ARID4A: variants seen among roughly 807,000 people sequenced by gnomAD.
ARID4A encodes AT-rich interaction domain 4A, also known as AT-rich interactive domain-containing protein 4A.
In ARID4A, 39 loss-of-function variants were observed where a neutral mutation model predicts 148.6. The observed-to-expected ratio is 0.26, with a 90% CI of 0.20 to 0.34. The LOEUF (loss-of-function observed/expected upper bound fraction) is 0.34, where lower values mean the gene tolerates loss of function less well. Ranked by LOEUF, ARID4A falls within the 10% of genes least tolerant of loss-of-function variation. ARID4A has a pLI of 1.00. For missense variants in ARID4A, 1,265 were observed against 1,449.1 expected (o/e 0.87, Z 2.06); for synonymous variants, 475 against 481.2 (o/e 0.99, Z 0.17).
chr14:58,371,617 A>G lies in ARID4A; in HGVS notation c.3671-269A>G, dbSNP rs1230460402. ...GCCAAGTTCCTTCATGGGATCTCCCAACTAGAGGTTTAAGAGTTTTTGTCT... is the reference window on the plus strand; with the variant it reads ...GCCAAGTTCCTTCATGGGATCTCCCGACTAGAGGTTTAAGAGTTTTTGTCT... On this transcript the variant is annotated intron_variant, in intron 23 of 23. Transcript: ENST00000355431. 2.0e-5 allele frequency among the ~76,000 whole-genome samples: 3 copies of G among 152,280 alleles called. No homozygotes were observed. The East Asian group carries it at 5.8e-4, about 29-fold the overall frequency.
rs941229580 is a variant in ARID4A, at chr14:58,372,565, G to A, written c.*576G>A. The A allele has an allele frequency of 2.4e-5, 5 of 209,736 alleles. No individual in the cohort carries two copies. The highest frequency in any genetic ancestry group is 4.9e-5 in the Non-Finnish European group (5 of 102,914). The allele number at this position is 209,736 out of a possible 1,614,324, so 13.0% of individuals were successfully genotyped here. ...ATAAATTGTGAAAGGAAGTGTAGTT[G>A]ACTGAAAACTACAGTTGTAATAAGT... is the stretch of plus-strand genomic sequence containing the variant. On this transcript the variant is annotated 3_prime_UTR_variant, in exon 24 of 24. Coordinates refer to ENST00000355431, the MANE Select transcript of ARID4A (RefSeq NM_002892.4).
chr14:58,345,319 A>G (rs1305063152), intron 12 of ARID4A, among the ~76,000 whole-genome samples: 1 of 152,238 alleles, frequency 6.6e-6, no homozygotes, highest in Non-Finnish European at 1.5e-5. Context: ...TGTCACTTAC[A>G]AAGCTAAAGA....
chr14:58,347,758 G>A lies in ARID4A; in HGVS notation c.1284G>A (p.Met428Ile). ...KEEKKDLEES[M>I]EEALKLDQEM... ...AAAAAAAAGACTTAGAAGAATCAATGGAAGAGGCTCTCAAATTAGATCAAG... is the reference window on the plus strand; with the variant it reads ...AAAAAAAAGACTTAGAAGAATCAATAGAAGAGGCTCTCAAATTAGATCAAG... Residue 428 changes from methionine to isoleucine, a missense_variant, in exon 15 of 24, where the codon ATG becomes ATA. Around this residue, in one of 9 missense-constraint regions of ARID4A, gnomAD observed 205 missense variants for 196.9 expected, o/e 1.04. Coordinates refer to ENST00000355431, the MANE Select transcript of ARID4A (RefSeq NM_002892.4). The A allele has an allele frequency of 6.2e-7, 1 of 1,613,508 alleles. No individual in the cohort carries two copies. Among genetic ancestry groups the A allele is most frequent in the South Asian group, 1.1e-5 (1 of 91,074 alleles).
At chr14:58,357,240 G>A (rs972871288) in intron 17 of ARID4A, among the ~76,000 whole-genome samples, 1 of 152,200 alleles carries the variant, frequency 6.6e-6, no homozygotes, top group East Asian at 1.9e-4. Flanking sequence ...GCTAAGCTAA[G>A]CTGTGATGTT....
At chr14:58,306,821 A>G (rs548676883) in intron 5 of ARID4A, among the ~76,000 whole-genome samples, 10 of 152,182 alleles carry the variant, frequency 6.6e-5, no homozygotes, top group South Asian at 2.1e-4. Context: ...GGAGGTTGCA[A>G]TGAGCCCAGA....
At chr14:58,339,624 C>A (rs1351263417) in intron 11 of ARID4A, among the ~76,000 whole-genome samples, 1 of 152,054 alleles carries the variant, frequency 6.6e-6, no homozygotes, top group African/African-American at 2.4e-5. Flanking sequence ...ATAGCTCCTA[C>A]AAAAATAAGA....
At chr14:58,336,018 GT>G (rs1010257946) in intron 11 of ARID4A, among the ~76,000 whole-genome samples, 20 of 142,178 alleles carry the variant, frequency 1.4e-4, no homozygotes, top group Middle Eastern at 3.6e-3. Context: ...GTAGTTGTTT[GT>G]TTTTTTTTTT....
At chr14:58,335,541 A>C (rs560532143) in intron 11 of ARID4A, among the ~76,000 whole-genome samples, 2 of 151,890 alleles carry the variant, frequency 1.3e-5, no homozygotes, top group Non-Finnish European at 2.9e-5. Flanking sequence ...TCAAACTCCC[A>C]ACCTCAGGTG....
At position 58,344,763 on chromosome 14, in the gene ARID4A, C is replaced by T; in HGVS notation, c.975C>T (p.Asp325=). The part of the protein sequence containing the change: ...FLQQLYKFME[D]RGTPINKPPV... ...AGCAGCTTTATAAGTTTATGGAAGA[C>T]AGAGGTATTTTCATGCTCATTATTT... Residue 325 remains aspartate (D), a synonymous_variant, in exon 12 of 24, where the codon GAC becomes GAT. Transcript: ENST00000355431. 6.2e-7 allele frequency: 1 copy of T among 1,609,348 alleles called. No homozygotes were observed. The highest frequency in any genetic ancestry group is 8.5e-7 in the Non-Finnish European group (1 of 1,176,718).
intron 17 of ARID4A, among the ~76,000 whole-genome samples, chr14:58,357,867 C>G (rs1029604251): frequency 6.6e-6 from 1 of 152,070 alleles, no homozygotes; most frequent in Non-Finnish European, 1.5e-5. Context: ...TTATTTGCCC[C>G]TGATTAGTCA....
In ARID4A at chr14:58,347,020, A is replaced by G. The variant is rs1395122511; in HGVS notation, c.1075A>G (p.Ile359Val). ...LVYHQGGCDN[I>V]DSGAVWKQIY... ...TTAACATAAAAACTTAATTTTCCAG[A>G]TTGATAGTGGTGCTGTATGGAAGCA... is the stretch of plus-strand genomic sequence containing the variant. Residue 359 changes from isoleucine to valine, a missense_variant and splice_region_variant, in exon 14 of 24, where the codon ATT becomes GTT. Around this residue, in one of 9 missense-constraint regions of ARID4A, gnomAD observed 249 missense variants for 277.2 expected, o/e 0.90. Coordinates refer to ENST00000355431, the MANE Select transcript of ARID4A (RefSeq NM_002892.4). The G allele has an allele frequency of 7.4e-7, 1 of 1,348,288 alleles. No homozygotes were observed. Among genetic ancestry groups the G allele is most frequent in the Non-Finnish European group, 9.8e-7 (1 of 1,021,578 alleles). 83.5% of individuals were successfully genotyped at this position (1,348,288 alleles called of 1,614,324 possible).
rs1156960148 is a variant in ARID4A at position 58,324,621 on chromosome 14, A to G, written c.582+1004A>G. Among the ~76,000 whole-genome samples the G allele has an allele frequency of 2.0e-5, 3 of 152,140 alleles. No homozygotes were observed. In the South Asian group the frequency reaches 6.2e-4, roughly 31 times the overall value. ...AATATCATTTAGTCATGATAGTCCC[A>G]TTCTCAGAAATAGACAACCTTCAGC... On this transcript the variant is annotated intron_variant, in intron 8 of 23. Coordinates refer to ENST00000355431, the MANE Select transcript of ARID4A (RefSeq NM_002892.4).
rs544557089 is a variant in ARID4A at position 58,325,583 on chromosome 14, A to T, written c.582+1966A>T. ...GTGTGAGCCACTGCGCCTGGCCCTAAATATTCTTAACATAAGTATGCCCCT... is the reference window on the plus strand; with the variant it reads ...GTGTGAGCCACTGCGCCTGGCCCTATATATTCTTAACATAAGTATGCCCCT... On this transcript the variant is annotated intron_variant, in intron 8 of 23. Coordinates refer to ENST00000355431, the MANE Select transcript of ARID4A (RefSeq NM_002892.4). 8.5e-5 allele frequency among the ~76,000 whole-genome samples: 13 copies of T among 152,224 alleles called. No individual in the cohort carries two copies. The South Asian group carries it at 2.7e-3, about 32-fold the overall frequency.
Position 58,356,525 on chromosome 14 carries a change from C to T in ARID4A, c.1854-2607C>T, listed in dbSNP as rs142487865. On this transcript the variant is annotated intron_variant, in intron 17 of 23. Coordinates refer to ENST00000355431, the MANE Select transcript of ARID4A (RefSeq NM_002892.4). ...AGATGTTTAAAAGCCTAATATGATG[C>T]TCATAGCCAGTCTCGTTTTAGAAAC... Among the ~76,000 whole-genome samples the T allele has an allele frequency of 4.7e-3, 717 of 152,078 alleles. 7 individuals carry two copies. The highest frequency in any genetic ancestry group is 0.017 in the African/African-American group (692 of 41,484).
At chr14:58,323,935 C>G (rs529762240) in intron 8 of ARID4A, among the ~76,000 whole-genome samples, 1 of 117,030 alleles carries the variant, frequency 8.5e-6, no homozygotes, top group South Asian at 2.9e-4. Flanking sequence ...GATGGAGTCT[C>G]GCTCTGTCGC....
At chr14:58,323,382 G>A (rs1187322475) in intron 7 of ARID4A, 103 bp from the exon 8 acceptor site, 1 of 1,293,154 alleles carries the variant, frequency 7.7e-7, no homozygotes, top group Non-Finnish European at 1.1e-6. Context: ...ACTACTTTAG[G>A]GTGTAGTCCA....
At chr14:58,311,596 C>A (rs2032037835) in intron 5 of ARID4A, among the ~76,000 whole-genome samples, 1 of 152,044 alleles carries the variant, frequency 6.6e-6, no homozygotes, top group Admixed American at 6.6e-5. Flanking sequence ...GGTATATAAC[C>A]AAAGAATTAA....
chr14:58,368,210 ATAGT>A (rs1248150233), intron 23 of ARID4A, among the ~76,000 whole-genome samples: 1 of 152,222 alleles, frequency 6.6e-6, no homozygotes, highest in African/African-American at 2.4e-5. Context: ...TGCATACTGA[ATAGT>A]TAGATTGCTG....
intron 11 of ARID4A, among the ~76,000 whole-genome samples, chr14:58,341,386 T>G (rs1183795586): frequency 2.0e-5 from 3 of 152,248 alleles, no homozygotes; most frequent in Non-Finnish European, 2.9e-5. Context: ...GTTTGCCCAT[T>G]TGCTGTAGCT....
Sources: gnomAD v4.1 joint callset for allele counts (sites outside exome capture counted in the v4.1 genomes callset) on GRCh38, gnomAD v4.1.1 for gene constraint, gnomAD v4.1.1 regional missense constraint, MANE v1.5 for transcripts, NCBI Gene and HGNC (gene_info 2026-07-23, HGNC 2026-07-21) for gene names.